CEP83: variants seen among roughly 807,000 people sequenced by gnomAD.
CEP83 encodes centrosomal protein of 83 kDa.
Under a neutral mutation model 101.9 loss-of-function variants are expected in CEP83, and 70 were observed. The observed-to-expected ratio is 0.69, with a 90% CI of 0.57 to 0.84. The LOEUF (loss-of-function observed/expected upper bound fraction) is 0.84. Ranked by LOEUF, CEP83 falls within the 40% of genes least tolerant of loss-of-function variation. CEP83 has a pLI of 0.00. For synonymous variants in CEP83, 264 were observed against 267.9 expected, an observed-to-expected ratio of 0.99 and a Z score of 0.14; for missense variants, 715 against 787.2, an observed-to-expected ratio of 0.91 and a Z score of 1.10.
At chr12:94,284,492 GTTTCAGATGTTTTTCACTGTTCACC>G in the CEP83 span, among the ~76,000 whole-genome samples, 28 of 152,184 alleles carry the variant, frequency 1.8e-4, no homozygotes, top group African/African-American at 6.5e-4. Flanking sequence ...TGAAAGGTTT[GTTTCAGATGTTTTTCACTGTTCACC>G]TTTCAGATGT....
intron 14 of CEP83, among the ~76,000 whole-genome samples, chr12:94,329,808 G>C (rs764345758): frequency 6.6e-6 from 1 of 152,138 alleles, no homozygotes; most frequent in African/African-American, 2.4e-5. Flanking sequence ...GAAGAAAAGT[G>C]ACATATACAG....
intron 6 of CEP83, among the ~76,000 whole-genome samples, chr12:94,391,545 C>T (rs1315070199): frequency 3.3e-5 from 5 of 152,120 alleles, no homozygotes; most frequent in Admixed American, 6.6e-5. Flanking sequence ...TAAAGACCAT[C>T]GATGCTATGA....
Position 94,403,234 on chromosome 12 carries a change from A to G in CEP83, c.353T>C (p.Leu118Pro), listed in dbSNP as rs771853927. Residue 118 changes from leucine to proline, a missense_variant, in exon 5 of 17, where the codon CTA becomes CCA. Coordinates refer to ENST00000397809, the MANE Select transcript of CEP83 (RefSeq NM_016122.3). ...TAATTCTTGTTGTATTTGGGCTCTT[A>G]GCAATTCCAATTTTTGTGGAGTTAA... ...QILTPQKLEL[L>P]RAQIQQELET... 3 of 1,568,150 alleles carry G rather than the reference A, an allele frequency of 1.9e-6. No individual in the cohort carries two copies. The highest frequency in any genetic ancestry group is 1.4e-5 in the African/African-American group (1 of 73,928).
intron 11 of CEP83, among the ~76,000 whole-genome samples, chr12:94,351,142 C>G (rs1351267156): frequency 1.3e-5 from 2 of 152,090 alleles, no homozygotes; most frequent in Non-Finnish European, 2.9e-5. Flanking sequence ...AGCAAAGCAC[C>G]CAGCCAGGAT....
At chr12:94,369,372 T>C (rs2061182375) in intron 9 of CEP83, 1 of 152,260 alleles carries the variant, frequency 6.6e-6, no homozygotes, top group Non-Finnish European at 1.5e-5. Context: ...GAGAATGGCG[T>C]GAACCTGGGA....
chr12:94,363,077 C>G (rs955514173), intron 11 of CEP83, among the ~76,000 whole-genome samples: 6 of 152,190 alleles, frequency 3.9e-5, no homozygotes, highest in African/African-American at 7.2e-5. Flanking sequence ...TACAAAATTA[C>G]TATTGGATAG....
intron 2 of CEP83, among the ~76,000 whole-genome samples, chr12:94,430,834 C>T (rs1437138889): frequency 6.6e-6 from 1 of 152,092 alleles, no homozygotes; most frequent in African/African-American, 2.4e-5. Context: ...TGTCAACAAT[C>T]AAAGACAAAA....
rs376522579 is a variant in CEP83 at position 94,354,557 on chromosome 12, G to C, written c.1343+13237C>G. ...GACCATATGTTAGGCCACAAAACAA[G>C]TCTCAATAAATTTTTAAAAATCAAT... On this transcript the variant is annotated intron_variant, in intron 11 of 16. Coordinates refer to ENST00000397809, the MANE Select transcript of CEP83 (RefSeq NM_016122.3). Among the ~76,000 whole-genome samples the C allele has an allele frequency of 5.9e-5, 9 of 152,176 alleles. No individual in the cohort carries two copies. The East Asian group carries it at 9.7e-4, about 16-fold the overall frequency.
chr12:94,275,810 C>T, the CEP83 span, among the ~76,000 whole-genome samples: 2 of 83,480 alleles, frequency 2.4e-5, no homozygotes, highest in African/African-American at 1.0e-4. Context: ...AGCCGAGATC[C>T]CGCCACTGCA....
At chr12:94,344,718 G>C (rs1486065726) in intron 11 of CEP83, among the ~76,000 whole-genome samples, 2 of 152,056 alleles carry the variant, frequency 1.3e-5, no homozygotes, top group African/African-American at 4.8e-5. Flanking sequence ...TGGATTGGAA[G>C]ACTCAATATT....
At chr12:94,332,631 G>A (rs2059272441) in intron 13 of CEP83, among the ~76,000 whole-genome samples, 2 of 152,038 alleles carry the variant, frequency 1.3e-5, no homozygotes. Flanking sequence ...AGAAATCCAA[G>A]CACATGTTTC....
intron 6 of CEP83, among the ~76,000 whole-genome samples, chr12:94,386,392 A>G (rs2062149556): frequency 6.6e-6 from 1 of 152,200 alleles, no homozygotes; most frequent in Non-Finnish European, 1.5e-5. Flanking sequence ...CACATGCGCT[A>G]ATCAATACTG....
chr12:94,420,015 A>T (rs1323133905), intron 2 of CEP83, among the ~76,000 whole-genome samples: 2 of 152,210 alleles, frequency 1.3e-5, no homozygotes, highest in African/African-American at 2.4e-5. Context: ...GGCCATTTAG[A>T]TATCTTCTTT....
chr12:94,381,149 C>T (rs2061827835), intron 6 of CEP83, among the ~76,000 whole-genome samples: 1 of 152,216 alleles, frequency 6.6e-6, no homozygotes. Context: ...GAGCTTATTA[C>T]ATTCAATCAC....
the CEP83 span, among the ~76,000 whole-genome samples, chr12:94,287,272 T>C: frequency 6.6e-6 from 1 of 152,218 alleles, no homozygotes; most frequent in African/African-American, 2.4e-5. Flanking sequence ...CCCGGTGCGC[T>C]TCCTTAACTG....
At chr12:94,412,855 A>ATT (rs750845100) in intron 2 of CEP83, among the ~76,000 whole-genome samples, 1 of 137,088 alleles carries the variant, frequency 7.3e-6, no homozygotes, top group Non-Finnish European at 1.6e-5. Context: ...TACCCGGCTA[A>ATT]TTTTTTTTTT....
downstream of CEP83, chr12:94,305,261 A>G: frequency 6.2e-7 from 1 of 1,610,320 alleles, no homozygotes; most frequent in African/African-American, 1.3e-5. Flanking sequence ...TATTTGATGA[A>G]AAGAAGAAAT....
chr12:94,288,558 A>G, the CEP83 span, among the ~76,000 whole-genome samples: 1 of 152,204 alleles, frequency 6.6e-6, no homozygotes, highest in African/African-American at 2.4e-5. Flanking sequence ...GCATCCTGTA[A>G]GCCCTCCCCT....
chr12:94,451,899 A>G (rs944819561), intron 1 of CEP83, among the ~76,000 whole-genome samples: 2 of 152,306 alleles, frequency 1.3e-5, no homozygotes, highest in Admixed American at 1.3e-4. Flanking sequence ...AAACCATCCA[A>G]TGTCTATCAC....
Sources: allele counts gnomAD v4.1 joint callset (sites outside exome capture counted in the v4.1 genomes callset), GRCh38; gene constraint gnomAD v4.1.1; transcripts MANE v1.5; gene names NCBI Gene and HGNC (gene_info 2026-07-23, HGNC 2026-07-21).